Variants in COA4 observed in about 807,000 individuals in gnomAD.
COA4 encodes cytochrome c oxidase assembly factor 4 homolog.
A neutral mutation model predicts 7.3 loss-of-function variants in COA4; 8 were observed. That is an observed-to-expected ratio of 1.10 (90% CI 0.64 to 1.98). COA4 has a LOEUF of 1.98. Among genes scored for constraint, COA4 ranks in the 30% most tolerant of loss-of-function variants. COA4 has a pLI of 0.00. For missense variants in COA4, 96 were observed against 111.2 expected, an observed-to-expected ratio of 0.86 and a Z score of 0.62; for synonymous variants, 42 against 44.3, an observed-to-expected ratio of 0.95 and a Z score of 0.21.
At chr11:73,873,695 C>CT (rs1251664753) in intron 1 of COA4, 2 of 398,858 alleles carry the variant, frequency 5.0e-6, no homozygotes, top group African/African-American at 2.0e-5. Context: ...TTTTTTGATT[C>CT]TTTAATAGAG....
At chr11:73,875,763 T>C (rs574771910) in intron 1 of COA4, 1 of 152,186 alleles carries the variant, frequency 6.6e-6, no homozygotes, top group East Asian at 1.9e-4. Flanking sequence ...CAAGGCTTTG[T>C]AGGACATAGT....
chr11:73,873,624 C>T (rs577208606), intron 1 of COA4: 3 of 558,890 alleles, frequency 5.4e-6, no homozygotes, highest in East Asian at 2.9e-5. Flanking sequence ...AATCCTTCCC[C>T]CTCAGTCCCT....
intron 1 of COA4, among the ~76,000 whole-genome samples, chr11:73,875,584 G>A (rs1382820647): frequency 6.6e-6 from 1 of 151,830 alleles, no homozygotes; most frequent in African/African-American, 2.4e-5. Context: ...TTGACAGATG[G>A]AACAGAAGTT....
intron 1 of COA4, 63 bp from the exon 2 acceptor site, chr11:73,873,457 C>T: frequency 2.1e-6 from 3 of 1,452,686 alleles, no homozygotes; most frequent in Non-Finnish European, 2.8e-6. Flanking sequence ...TTATAAATAG[C>T]ACTGACCAGA....
chr11:73,874,644 TTTC>T (rs567138209), intron 1 of COA4, among the ~76,000 whole-genome samples: 45 of 151,846 alleles, frequency 3.0e-4, no homozygotes, highest in African/African-American at 1.1e-3. Flanking sequence ...ATAAATAACC[TTTC>T]TTCTTTTATC....
At chr11:73,875,347 A>G (rs1169501230) in intron 1 of COA4, among the ~76,000 whole-genome samples, 1 of 152,184 alleles carries the variant, frequency 6.6e-6, no homozygotes, top group East Asian at 1.9e-4. Flanking sequence ...ATGATTAAGT[A>G]CCTATCATGT....
At position 73,873,406 on chromosome 11, in the gene COA4, T is replaced by G. The variant is rs982099062; in HGVS notation, c.-16-12A>C. The G allele has an allele frequency of 6.2e-7, 1 of 1,611,472 alleles. No individual in the cohort carries two copies. The highest frequency in any genetic ancestry group is 1.3e-5 in the African/African-American group (1 of 75,014). On this transcript the variant is annotated splice_polypyrimidine_tract_variant and intron_variant, in intron 1 of 1. Transcript: ENST00000355693. ...TGGGGATGGGGAGTCTATAGAACAT[T>G]AACAGGTTAGAGTAGGGATATAATA... is the stretch of plus-strand genomic sequence containing the variant.
chr11:73,876,742 G>C lies in COA4; in HGVS notation c.-17+15C>G, dbSNP rs527945936. ...CCCGCAACGCCTCCTGAAGAACGCG[G>C]TACGCGATGCTCACCGAACAGGTGG... On this transcript the variant is annotated intron_variant, in intron 1 of 1. Coordinates refer to ENST00000355693, the MANE Select transcript of COA4 (RefSeq NM_016565.3). 3.1e-6 allele frequency: 1 copy of C among 325,546 alleles called. No individual in the cohort carries two copies. Among genetic ancestry groups the C allele is most frequent in the East Asian group, 4.7e-5 (1 of 21,468 alleles). 20.2% of individuals were successfully genotyped at this position (325,546 alleles called of 1,614,324 possible). A position where few individuals can be genotyped will look rare whatever the true frequency, so the allele number is the denominator to read the frequency against.
At position 73,872,923 on chromosome 11, in the gene COA4, T is replaced by C; in HGVS notation, c.*192A>G. On this transcript the variant is annotated 3_prime_UTR_variant, in exon 2 of 2. Coordinates refer to ENST00000355693, the MANE Select transcript of COA4 (RefSeq NM_016565.3). Reference sequence around the variant, plus strand: ...GTGGAACAAGACAGCTGAGAATGTATGACATCTGACCATGAACATATGACA... The same window carrying C: ...GTGGAACAAGACAGCTGAGAATGTACGACATCTGACCATGAACATATGACA... 1 of 636,634 alleles carries C rather than the reference T, an allele frequency of 1.6e-6. No individual in the cohort carries two copies. 39.4% of individuals were successfully genotyped at this position (636,634 alleles called of 1,614,324 possible).
chr11:73,875,240 G>C (rs921773204), intron 1 of COA4, among the ~76,000 whole-genome samples: 7 of 152,208 alleles, frequency 4.6e-5, no homozygotes, highest in African/African-American at 1.4e-4. Context: ...GGTTTGAAGA[G>C]AAATGACTTC....
Position 73,873,285 on chromosome 11 carries a change from A to G in COA4, c.94T>C (p.Ser32Pro). 6.2e-7 allele frequency: 1 copy of G among 1,614,240 alleles called. No individual in the cohort carries two copies. Among genetic ancestry groups the G allele is most frequent in the Non-Finnish European group, 8.5e-7 (1 of 1,180,048 alleles). Reference sequence around the variant, plus strand: ...GCAAAGTGGGAGGCAGCACAGCCAGAGCGGGAGATCAGCTGGTCCAGCGGG... The same window carrying G: ...GCAAAGTGGGAGGCAGCACAGCCAGGGCGGGAGATCAGCTGGTCCAGCGGG... ...EDPLDQLISRSGCAASHFAVQ... is the reference protein window; with the variant it reads ...EDPLDQLISRPGCAASHFAVQ... The change falls in exon 2 of 2, where the codon TCT (serine) becomes CCT (proline). Residue 32 changes from serine to proline, a missense_variant. Coordinates refer to ENST00000355693, the MANE Select transcript of COA4 (RefSeq NM_016565.3).
At position 73,872,708 on chromosome 11, in the gene COA4, A is replaced by C. The variant is rs1948702166; in HGVS notation, c.*407T>G. The C allele has an allele frequency of 5.9e-6, 1 of 169,500 alleles. No individual in the cohort carries two copies. Among genetic ancestry groups the C allele is most frequent in the Non-Finnish European group, 1.3e-5 (1 of 78,820 alleles). The allele number at this position is 169,500 out of a possible 1,614,324, so 10.5% of individuals were successfully genotyped here. On this transcript the variant is annotated 3_prime_UTR_variant, in exon 2 of 2. Transcript: ENST00000355693. ...CCCCATTTATTTTTCCTTCCACTAA[A>C]CTGATTGAAACATCCAGAACAAGTG...
chr11:73,873,280 G>A lies in COA4; in HGVS notation c.99C>T (p.Gly33=). ...GCACTGCAAAGTGGGAGGCAGCACA[G>A]CCAGAGCGGGAGATCAGCTGGTCCA... ...DPLDQLISRS[G]CAASHFAVQE... is the part of the protein sequence containing the mutation. Residue 33 remains glycine (G), a synonymous_variant, in exon 2 of 2, where the codon GGC becomes GGT. Coordinates refer to ENST00000355693, the MANE Select transcript of COA4 (RefSeq NM_016565.3). 1 of 1,614,290 alleles carries A rather than the reference G, an allele frequency of 6.2e-7. No individual in the cohort carries two copies. The highest frequency in any genetic ancestry group is 1.1e-5 in the South Asian group (1 of 91,088).
rs187885337 is a variant in COA4, at chr11:73,874,901, G to A, written c.-16-1507C>T. Among the ~76,000 whole-genome samples, 41 of 152,104 alleles carry A rather than the reference G, an allele frequency of 2.7e-4. No individual in the cohort carries two copies. In the East Asian group the frequency reaches 3.5e-3, roughly 13 times the overall value. On this transcript the variant is annotated intron_variant, in intron 1 of 1. Coordinates refer to ENST00000355693, the MANE Select transcript of COA4 (RefSeq NM_016565.3). ...CTCGGGAGGCTCAGGCAGGAGAATC[G>A]CTTTAACCCAAGGGGCGGAGGTTGT...
rs1181902149 is a variant in COA4 at position 73,872,922 on chromosome 11, A to G, written c.*193T>C. The G allele has an allele frequency of 1.3e-5, 8 of 634,062 alleles. No individual in the cohort carries two copies. The East Asian group carries it at 2.0e-4, about 16-fold the overall frequency. 39.3% of individuals were successfully genotyped at this position (634,062 alleles called of 1,614,324 possible). On this transcript the variant is annotated 3_prime_UTR_variant, in exon 2 of 2. Coordinates refer to ENST00000355693, the MANE Select transcript of COA4 (RefSeq NM_016565.3). Reference sequence around the variant, plus strand: ...GGTGGAACAAGACAGCTGAGAATGTATGACATCTGACCATGAACATATGAC... The same window carrying G: ...GGTGGAACAAGACAGCTGAGAATGTGTGACATCTGACCATGAACATATGAC...
In COA4 at chr11:73,872,962, G is replaced by A. The variant is rs1591021856; in HGVS notation, c.*153C>T. On this transcript the variant is annotated 3_prime_UTR_variant, in exon 2 of 2. Transcript: ENST00000355693. ...GAACATATGACAGCTGTTTGTGCCA[G>A]TCATGTCCAAACCCATGGCTCTCAA... 5.7e-6 allele frequency: 5 copies of A among 881,284 alleles called. No individual in the cohort carries two copies. The highest frequency in any genetic ancestry group is 8.5e-6 in the Non-Finnish European group (5 of 590,526). 54.6% of individuals were successfully genotyped at this position (881,284 alleles called of 1,614,324 possible).
At chr11:73,875,582 T>C (rs764475421) in intron 1 of COA4, among the ~76,000 whole-genome samples, 1 of 151,324 alleles carries the variant, frequency 6.6e-6, no homozygotes, top group Non-Finnish European at 1.5e-5. Flanking sequence ...ACTTGACAGA[T>C]GGAACAGAAG....
At chr11:73,874,754 G>A (rs1215008219) in intron 1 of COA4, among the ~76,000 whole-genome samples, 1 of 152,164 alleles carries the variant, frequency 6.6e-6, no homozygotes, top group Non-Finnish European at 1.5e-5. Context: ...TTGGGAGCCC[G>A]AGGCAGATGG....
At chr11:73,873,542 T>G (rs1292643171) in intron 1 of COA4, 148 bp from the exon 2 acceptor site, 3 of 700,734 alleles carry the variant, frequency 4.3e-6, no homozygotes, top group Non-Finnish European at 6.9e-6. Context: ...GCTTGTTTTT[T>G]TTTTTTTTTT....
Sources: allele counts gnomAD v4.1 joint callset (sites outside exome capture counted in the v4.1 genomes callset), GRCh38; gene constraint gnomAD v4.1.1; transcripts MANE v1.5; gene names NCBI Gene and HGNC (gene_info 2026-07-23, HGNC 2026-07-21).